ZNF407: variants seen among roughly 807,000 people sequenced by gnomAD.
The protein encoded by ZNF407 is zinc finger protein 407.
A neutral mutation model predicts 131.2 loss-of-function variants in ZNF407; 17 were observed. That is an observed-to-expected ratio of 0.13 (90% confidence interval 0.09 to 0.19). ZNF407 has a LOEUF of 0.19. Among genes scored for constraint, ZNF407 ranks in the 10% least tolerant of loss-of-function variants. The pLI, the probability that ZNF407 is intolerant of heterozygous loss-of-function variation, is 1.00. For synonymous variants in ZNF407, 1,156 were observed against 1,062.0 expected (o/e 1.09, Z -1.72); for missense variants, 2,681 against 2,830.6 (o/e 0.95, Z 1.20).
intron 4 of ZNF407, among the ~76,000 whole-genome samples, chr18:74,845,973 C>T (rs1970697125): frequency 6.6e-6 from 1 of 152,170 alleles, no homozygotes; most frequent in African/African-American, 2.4e-5. Flanking sequence ...GTAAATATAG[C>T]TACTTAAAAT....
intron 3 of ZNF407, among the ~76,000 whole-genome samples, chr18:74,764,050 T>C (rs955949522): frequency 6.6e-6 from 1 of 151,944 alleles, no homozygotes; most frequent in South Asian, 2.1e-4. Context: ...CTTTTTTCTC[T>C]CTTTTTTTTT....
chr18:74,701,851 C>T (rs1252928821), intron 3 of ZNF407, among the ~76,000 whole-genome samples: 1 of 152,110 alleles, frequency 6.6e-6, no homozygotes. Context: ...GACTATTTTA[C>T]AGATTTTAGG....
At chr18:74,774,459 T>C (rs1480595127) in intron 3 of ZNF407, among the ~76,000 whole-genome samples, 1 of 152,216 alleles carries the variant, frequency 6.6e-6, no homozygotes, top group Non-Finnish European at 1.5e-5. Flanking sequence ...TCGAGATTAC[T>C]ACCTTAAACA....
chr18:74,922,687 C>T (rs936393559), intron 8 of ZNF407, among the ~76,000 whole-genome samples: 1 of 152,216 alleles, frequency 6.6e-6, no homozygotes, highest in South Asian at 2.1e-4. Flanking sequence ...ATGTAATTCA[C>T]GCAAGTAACA....
At chr18:74,830,813 T>C (rs1394708114) in intron 4 of ZNF407, among the ~76,000 whole-genome samples, 1 of 152,178 alleles carries the variant, frequency 6.6e-6, no homozygotes, top group Non-Finnish European at 1.5e-5. Flanking sequence ...GTATAATATA[T>C]TATTGTTAAA....
intron 8 of ZNF407, among the ~76,000 whole-genome samples, chr18:74,988,661 TAAACAAAC>T (rs148352923): frequency 6.6e-6 from 1 of 151,180 alleles, no homozygotes; most frequent in African/African-American, 2.4e-5. Flanking sequence ...AAAAAATAAA[TAAACAAAC>T]AAAAAAAATA....
chr18:74,802,676 GTGTT>G (rs1360681905), intron 4 of ZNF407, among the ~76,000 whole-genome samples: 1 of 152,138 alleles, frequency 6.6e-6, no homozygotes, highest in African/African-American at 2.4e-5. Context: ...AATATTCTAA[GTGTT>G]TGACAAATAG....
chr18:74,931,833 A>T (rs1203677392), intron 8 of ZNF407, among the ~76,000 whole-genome samples: 1 of 152,206 alleles, frequency 6.6e-6, no homozygotes, highest in Non-Finnish European at 1.5e-5. Flanking sequence ...TGACATCTGT[A>T]TATTTTCTTT....
intron 7 of ZNF407, among the ~76,000 whole-genome samples, chr18:74,892,987 A>G (rs1471215589): frequency 2.0e-5 from 3 of 152,158 alleles, no homozygotes; most frequent in Admixed American, 6.5e-5. Context: ...GTGCTTTGGT[A>G]GATTCATTTA....
At chr18:74,721,771 T>A (rs1013578907) in intron 3 of ZNF407, among the ~76,000 whole-genome samples, 1 of 152,216 alleles carries the variant, frequency 6.6e-6, no homozygotes, top group Non-Finnish European at 1.5e-5. Context: ...CTTTACCTTA[T>A]GTGTTTTGCA....
chr18:74,723,940 C>T (rs111962018), intron 3 of ZNF407, among the ~76,000 whole-genome samples: 13 of 14,608 alleles, frequency 8.9e-4, no homozygotes, highest in African/African-American at 1.2e-3. Flanking sequence ...TGGTGTGGGG[C>T]GGGGTGGGGG....
At chr18:74,957,715 A>G (rs1972292683) in intron 8 of ZNF407, among the ~76,000 whole-genome samples, 1 of 152,156 alleles carries the variant, frequency 6.6e-6, no homozygotes. Context: ...GAAGCTCTTT[A>G]CAGACTGGGC....
Position 75,048,819 on chromosome 18 carries a change from A to G in ZNF407, c.5429-14331A>G, listed in dbSNP as rs906506. On this transcript the variant is annotated intron_variant, in intron 8 of 8. Transcript: ENST00000299687. This position sits in a 1 kb window ranked among gnomAD's most constrained non-coding sequence, Gnocchi z 4.1. ...TTGTGAACAGTTATGATTCCTAAAA[A>G]CTGAAAAAATTAAATTGGAGGGTGG... is the stretch of plus-strand genomic sequence containing the variant. Among the ~76,000 whole-genome samples, 26,855 of 152,190 alleles carry G rather than the reference A, an allele frequency of 0.18. 2,543 individuals are homozygous for G. The highest frequency in any genetic ancestry group is 0.23 in the African/African-American group (9,558 of 41,494).
chr18:74,826,333 TTC>T (rs1176038119), intron 4 of ZNF407, among the ~76,000 whole-genome samples: 1 of 152,180 alleles, frequency 6.6e-6, no homozygotes, highest in African/African-American at 2.4e-5. Flanking sequence ...CCTGCACACT[TTC>T]TCTTTTTGCA....
intron 8 of ZNF407, among the ~76,000 whole-genome samples, chr18:74,997,862 C>T (rs1176648032): frequency 1.3e-5 from 2 of 152,226 alleles, no homozygotes; most frequent in Non-Finnish European, 2.9e-5. Flanking sequence ...ACAATACTAG[C>T]CATTTCTTGA....
intron 3 of ZNF407, among the ~76,000 whole-genome samples, chr18:74,675,464 A>T (rs1342019663): frequency 6.6e-6 from 1 of 152,166 alleles, no homozygotes; most frequent in African/African-American, 2.4e-5. Context: ...AAATGAATGT[A>T]TTTTTTATGT....
chr18:74,664,368 G>T (rs1219650145), intron 3 of ZNF407, among the ~76,000 whole-genome samples: 1 of 152,134 alleles, frequency 6.6e-6, no homozygotes, highest in Non-Finnish European at 1.5e-5. Flanking sequence ...GGTGGCAGGT[G>T]CCTGTAGTCC....
chr18:74,729,404 A>G (rs1968237677), intron 3 of ZNF407, among the ~76,000 whole-genome samples: 1 of 152,108 alleles, frequency 6.6e-6, no homozygotes, highest in African/African-American at 2.4e-5. Flanking sequence ...TGATTTTTTA[A>G]TAAGCCTTTT....
intron 8 of ZNF407, chr18:75,061,886 CGTT>C (rs1216352600): frequency 1.3e-5 from 2 of 152,370 alleles, no homozygotes; most frequent in Non-Finnish European, 2.9e-5. Context: ...CTTCTACACA[CGTT>C]GTTTTCACTA....
Sources: gnomAD v4.1 joint callset for allele counts (sites outside exome capture counted in the v4.1 genomes callset) on GRCh38, gnomAD v4.1.1 for gene constraint, Gnocchi (gnomAD v3.1) non-coding constraint, MANE v1.5 for transcripts, NCBI Gene and HGNC (gene_info 2026-07-23, HGNC 2026-07-21) for gene names.